DUSP15: variants seen among roughly 807,000 people sequenced by gnomAD.
DUSP15 encodes the protein dual specificity phosphatase 15.
In DUSP15, 23 loss-of-function variants were observed where a neutral mutation model predicts 26.3. That is an observed-to-expected ratio of 0.87 (90% CI 0.63 to 1.24). DUSP15 has a LOEUF of 1.24. Ranked by LOEUF, DUSP15 falls within the 50% of genes most tolerant of loss-of-function variation. The pLI, the probability that DUSP15 is intolerant of heterozygous loss-of-function variation, is 0.00. For synonymous variants in DUSP15, 143 were observed against 135.5 expected (o/e 1.06, Z -0.39); for missense variants, 364 against 320.6 (o/e 1.14, Z -1.03).
At chr20:31,854,997 C>G (rs949910179) in intron 6 of DUSP15, among the ~76,000 whole-genome samples, 2 of 152,134 alleles carry the variant, frequency 1.3e-5, no homozygotes, top group African/African-American at 4.8e-5. Flanking sequence ...ACTGAACTCG[C>G]AACCAACAGC....
chr20:31,862,891 C>T (rs1263159955), intron 5 of DUSP15, 149 bp from the exon 6 acceptor site: 2 of 785,772 alleles, frequency 2.5e-6, no homozygotes, highest in Non-Finnish European at 2.0e-6. Context: ...CACCTCCAGG[C>T]CTTTGCCATG....
At chr20:31,860,696 G>A (rs983367075), downstream of DUSP15, among the ~76,000 whole-genome samples, 1 of 152,238 alleles carries the variant, frequency 6.6e-6, no homozygotes, top group Non-Finnish European at 1.5e-5. Context: ...GGATGAGGGA[G>A]GCGCTACCTC....
chr20:31,846,055 GAC>G (rs2062373030), downstream of DUSP15, among the ~76,000 whole-genome samples: 2 of 151,792 alleles, frequency 1.3e-5, no homozygotes, highest in Admixed American at 1.3e-4. Context: ...CTCACAGAGA[GAC>G]ACACAGACAT....
chr20:31,864,507 T>C, intron 4 of DUSP15: 1 of 967,936 alleles, frequency 1.0e-6, no homozygotes, highest in Non-Finnish European at 1.2e-6. Flanking sequence ...CCTTGACCTG[T>C]GTCATCTGAT....
Position 31,861,686 on chromosome 20 carries a change from C to A in DUSP15, c.436-11G>T. On this transcript the variant is annotated splice_polypyrimidine_tract_variant and intron_variant, in intron 6 of 6. Coordinates refer to ENST00000339738, the MANE Select transcript of DUSP15 (RefSeq NM_080611.5). ...CAGCTGCCGGCGAAGCTGGGGTGGG[C>A]GGGTGAGGTGGGCGGGGTCAAGGCC... The A allele has an allele frequency of 7.8e-6, 2 of 256,488 alleles. No homozygotes were observed. Among genetic ancestry groups the A allele is most frequent in the Non-Finnish European group, 1.3e-5 (2 of 152,496 alleles). The allele number at this position is 256,488 out of a possible 1,614,324, so 15.9% of individuals were successfully genotyped here.
At chr20:31,860,480 A>T (rs1466120338), downstream of DUSP15, among the ~76,000 whole-genome samples, 1 of 152,214 alleles carries the variant, frequency 6.6e-6, no homozygotes, top group Non-Finnish European at 1.5e-5. Flanking sequence ...GGTCATTCCC[A>T]CTAGCTGGGG....
exon 10 of DUSP15, chr20:31,848,255 CG>C: frequency 1.2e-6 from 1 of 843,928 alleles, no homozygotes; most frequent in South Asian, 2.1e-5. Context: ...TCTCGAGTTC[CG>C]GGGCCCCGTG....
At chr20:31,865,208 T>G (rs190180662) in intron 3 of DUSP15, among the ~76,000 whole-genome samples, 1 of 152,300 alleles carries the variant, frequency 6.6e-6, no homozygotes, top group African/African-American at 2.4e-5. Flanking sequence ...TCTAAGCACA[T>G]GGTGTCTCCT....
chr20:31,850,115 T>C lies in DUSP15; in HGVS notation c.492-241A>G, dbSNP rs2062443481. On this transcript the variant is annotated intron_variant, in intron 7 of 9. Coordinates refer to the DUSP15 transcript ENST00000278979. ...TGCGGTTAAAAGCTGGGGCCATCTGTACAGTGAGGGCATGACCCTCCCAGC... is the reference window on the plus strand; with the variant it reads ...TGCGGTTAAAAGCTGGGGCCATCTGCACAGTGAGGGCATGACCCTCCCAGC... Among the ~76,000 whole-genome samples the C allele has an allele frequency of 3.9e-5, 6 of 152,348 alleles. No individual in the cohort carries two copies. In the South Asian group the frequency reaches 1.2e-3, roughly 32 times the overall value.
chr20:31,857,263 C>T (rs916053549), downstream of DUSP15, among the ~76,000 whole-genome samples: 4 of 151,644 alleles, frequency 2.6e-5, no homozygotes, highest in African/African-American at 4.9e-5. Context: ...CGGCAACTGT[C>T]CCTCCACAAT....
chr20:31,845,854 A>G (rs2062371850), downstream of DUSP15, among the ~76,000 whole-genome samples: 1 of 152,190 alleles, frequency 6.6e-6, no homozygotes, highest in Admixed American at 6.5e-5. Context: ...GGGGAGGGAC[A>G]GGATGTGAAA....
In DUSP15 at chr20:31,849,038, A is replaced by G. The variant is rs1600428849; in HGVS notation, c.629-135T>C. The G allele has an allele frequency of 7.3e-6, 5 of 688,644 alleles. 1 individual carries two copies. The allele number at this position is 688,644 out of a possible 1,614,324, so 42.7% of individuals were successfully genotyped here. On this transcript the variant is annotated intron_variant, in intron 8 of 9. Transcript: ENST00000278979. The stretch of plus-strand genomic sequence containing the variant: ...AGCCCACATCCCATTGTGTGCCTGT[A>G]CCCTAGGCCCACTTCCACGTTCCTA...
At chr20:31,857,273 T>C (rs968458617), downstream of DUSP15, among the ~76,000 whole-genome samples, 1 of 151,678 alleles carries the variant, frequency 6.6e-6, no homozygotes, top group African/African-American at 2.4e-5. Context: ...CCCTCCACAA[T>C]GCCAGGAGGT....
chr20:31,849,782 G>C, exon 8 of DUSP15: 2 of 1,539,460 alleles, frequency 1.3e-6, no homozygotes, highest in Non-Finnish European at 1.7e-6. Flanking sequence ...CTCGGCGGCC[G>C]CCCGCGGACT....
At chr20:31,855,706 C>T (rs547197695) in intron 6 of DUSP15, among the ~76,000 whole-genome samples, 5 of 152,330 alleles carry the variant, frequency 3.3e-5, no homozygotes, top group African/African-American at 1.2e-4. Flanking sequence ...ACCCATTCAA[C>T]ACTTATTGAG....
In DUSP15 at chr20:31,869,579, G is replaced by A. The variant is rs997640167; in HGVS notation, c.40C>T (p.Leu14Phe). ...CAGTGCTCACCAATGAAGTTTCCGA[G>A]GTAGAGTCCAGGAAGTACCTAGAGG... ...GMTKVLPGLY[L>F]GNFIDAKDLD... The change falls in exon 2 of 7, where the codon CTC becomes TTC. Residue 14 changes from leucine to phenylalanine, a missense_variant. Physicochemically the swap from Leu to Phe is conservative, Grantham distance 22. Transcript: ENST00000339738. 1.9e-6 allele frequency: 3 copies of A among 1,613,556 alleles called. No individual in the cohort carries two copies. Among genetic ancestry groups the A allele is most frequent in the South Asian group, 1.1e-5 (1 of 90,870 alleles).
At chr20:31,863,004 T>C (rs559566457) in intron 5 of DUSP15, among the ~76,000 whole-genome samples, 1 of 152,350 alleles carries the variant, frequency 6.6e-6, no homozygotes, top group African/African-American at 2.4e-5. Flanking sequence ...ATCTGTTCTT[T>C]TTCAGGCACT....
intron 6 of DUSP15, among the ~76,000 whole-genome samples, chr20:31,854,418 C>T (rs1046547183): frequency 1.2e-4 from 18 of 152,178 alleles, no homozygotes; most frequent in Non-Finnish European, 2.4e-4. Context: ...GTGCCTGGCA[C>T]ACAGTGGTAA....
In DUSP15 at chr20:31,863,887, TC is replaced by T. The variant is rs763761793; in HGVS notation, c.263+19del. 16 of 1,598,460 alleles carry T rather than the reference TC, an allele frequency of 1.0e-5. No individual in the cohort carries two copies. Among genetic ancestry groups the T allele is most frequent in the Non-Finnish European group, 1.3e-5 (15 of 1,166,940 alleles). Reference sequence around the variant, plus strand: ...GCCACTTCCTTCCTCCCCCACCTTATCCCCCTCCGCTTAACTCACCAGTGCA... The same window carrying T: ...GCCACTTCCTTCCTCCCCCACCTTATCCCCTCCGCTTAACTCACCAGTGCA... On this transcript the variant is annotated intron_variant, in intron 5 of 6. Coordinates refer to ENST00000339738, the MANE Select transcript of DUSP15 (RefSeq NM_080611.5).
Sources: allele counts gnomAD v4.1 joint callset (sites outside exome capture counted in the v4.1 genomes callset), GRCh38; gene constraint gnomAD v4.1.1; transcripts MANE v1.5; gene names NCBI Gene and HGNC (gene_info 2026-07-23, HGNC 2026-07-21).